The following C12orf42 variants were observed in gnomAD, a reference collection of about 807,000 sequenced individuals.
C12orf42 encodes uncharacterized protein C12orf42.
In C12orf42, 25 loss-of-function variants were observed where a neutral mutation model predicts 21.6. The observed-to-expected ratio is 1.16, with a 90% CI of 0.84 to 1.62. C12orf42 has a LOEUF of 1.62. C12orf42 is among the 40% of genes most tolerant of loss of function. C12orf42 has a pLI of 0.00. For synonymous variants in C12orf42, 174 were observed against 175.0 expected (o/e 0.99, Z 0.05); for missense variants, 483 against 459.3 (o/e 1.05, Z -0.47).
At chr12:103,548,305 G>A in the C12orf42 span, among the ~76,000 whole-genome samples, 5 of 152,188 alleles carry the variant, frequency 3.3e-5, no homozygotes, top group African/African-American at 1.2e-4. Flanking sequence ...TGAAGATAAC[G>A]CAGATAAGGC....
the C12orf42 span, among the ~76,000 whole-genome samples, chr12:103,119,015 C>T: frequency 1.3e-5 from 2 of 151,962 alleles, no homozygotes; most frequent in East Asian, 3.9e-4. Context: ...ATTAGTTCTC[C>T]TTTCACTCTC....
At chr12:103,393,930 AG>A (rs1245961898) in intron 3 of C12orf42, among the ~76,000 whole-genome samples, 4 of 152,166 alleles carry the variant, frequency 2.6e-5, no homozygotes, top group Non-Finnish European at 5.9e-5. Flanking sequence ...AGGAATCCCT[AG>A]GGGAACCTTC....
chr12:103,237,709 C>A (rs2033516026), exon 11 of C12orf42: 1 of 152,270 alleles, frequency 6.6e-6, no homozygotes, highest in Admixed American at 6.5e-5. Flanking sequence ...AGCTCTGCTT[C>A]TGCAGTTACT....
chr12:103,239,526 C>T (rs987503404), intron 10 of C12orf42, among the ~76,000 whole-genome samples: 1 of 152,186 alleles, frequency 6.6e-6, no homozygotes. Context: ...TCAACCCGCT[C>T]CTTCAGCTAT....
intron 2 of C12orf42, among the ~76,000 whole-genome samples, chr12:103,404,937 T>G (rs1000417052): frequency 1.3e-5 from 2 of 152,230 alleles, no homozygotes; most frequent in African/African-American, 4.8e-5. Context: ...TTTATACACT[T>G]GAACCACCTA....
At chr12:103,464,231 C>A (rs2137733736) in intron 2 of C12orf42, among the ~76,000 whole-genome samples, 1 of 152,284 alleles carries the variant, frequency 6.6e-6, no homozygotes, top group South Asian at 2.1e-4. Flanking sequence ...GCCTCACCAA[C>A]ATCTGTTATT....
At chr12:103,523,774 T>A in the C12orf42 span, among the ~76,000 whole-genome samples, 1 of 151,782 alleles carries the variant, frequency 6.6e-6, no homozygotes, top group Non-Finnish European at 1.5e-5. Flanking sequence ...TATATATATA[T>A]CTTAAACCTT....
intron 1 of C12orf42, among the ~76,000 whole-genome samples, chr12:103,487,925 T>C (rs1393622747): frequency 6.6e-6 from 1 of 152,230 alleles, no homozygotes; most frequent in Non-Finnish European, 1.5e-5. Flanking sequence ...CCAGTCTGTG[T>C]CTTTTAATTG....
chr12:103,227,026 T>G, the C12orf42 span, among the ~76,000 whole-genome samples: 4 of 152,168 alleles, frequency 2.6e-5, no homozygotes, highest in Admixed American at 2.6e-4. Context: ...GAGTTTGTAT[T>G]GGGGTCAAGC....
At chr12:103,059,882 T>G in the C12orf42 span, among the ~76,000 whole-genome samples, 14 of 152,282 alleles carry the variant, frequency 9.2e-5, no homozygotes, top group African/African-American at 3.4e-4. Flanking sequence ...TCATACTGAA[T>G]GGGCAAAAGC....
At chr12:103,470,558 G>T (rs1178660692) in intron 2 of C12orf42, among the ~76,000 whole-genome samples, 1 of 152,160 alleles carries the variant, frequency 6.6e-6, no homozygotes, top group Non-Finnish European at 1.5e-5. Flanking sequence ...TTCCCAATGA[G>T]AGAAAGGATC....
chr12:103,518,289 G>C, the C12orf42 span, among the ~76,000 whole-genome samples: 1 of 152,184 alleles, frequency 6.6e-6, no homozygotes, highest in Non-Finnish European at 1.5e-5. Flanking sequence ...GAGGGCCAAG[G>C]AGCCAGAAAC....
chr12:103,470,532 A>G (rs756096649), intron 2 of C12orf42, among the ~76,000 whole-genome samples: 4 of 152,184 alleles, frequency 2.6e-5, no homozygotes, highest in Non-Finnish European at 5.9e-5. Flanking sequence ...AATTTTTTAC[A>G]TGCAATTCTC....
At chr12:103,115,911 G>A in the C12orf42 span, among the ~76,000 whole-genome samples, 23 of 152,200 alleles carry the variant, frequency 1.5e-4, no homozygotes, top group Admixed American at 5.9e-4. Flanking sequence ...GTCATGGGGT[G>A]CTTTGGACTT....
chr12:103,448,380 T>G (rs1390024158), intron 2 of C12orf42, among the ~76,000 whole-genome samples: 1 of 152,086 alleles, frequency 6.6e-6, no homozygotes, highest in Non-Finnish European at 1.5e-5. Context: ...GACATTGGCT[T>G]AGACAAAGAC....
intron 10 of C12orf42, among the ~76,000 whole-genome samples, chr12:103,247,146 C>T (rs1017439629): frequency 6.6e-6 from 1 of 151,388 alleles, no homozygotes; most frequent in Non-Finnish European, 1.5e-5. Context: ...ATTCTCACTG[C>T]AACAAGTACC....
intron 5 of C12orf42, among the ~76,000 whole-genome samples, chr12:103,272,095 AAG>A (rs1412541637): frequency 1.3e-5 from 2 of 152,292 alleles, no homozygotes; most frequent in East Asian, 3.9e-4. Flanking sequence ...CTATAGATCT[AAG>A]AGGTGAGAAC....
chr12:103,216,179 G>C, the C12orf42 span, among the ~76,000 whole-genome samples: 1 of 152,182 alleles, frequency 6.6e-6, no homozygotes, highest in South Asian at 2.1e-4. Flanking sequence ...TGAGCCTATG[G>C]TCTTTGGCAA....
intron 5 of C12orf42, among the ~76,000 whole-genome samples, chr12:103,304,061 T>C (rs2038021665): frequency 6.6e-6 from 1 of 152,198 alleles, no homozygotes; most frequent in South Asian, 2.1e-4. Flanking sequence ...AATTTAGTAA[T>C]GATACATTTT....
Sources: allele counts gnomAD v4.1 joint callset (sites outside exome capture counted in the v4.1 genomes callset), GRCh38; gene constraint gnomAD v4.1.1; transcripts MANE v1.5; gene names NCBI Gene and HGNC (gene_info 2026-07-23, HGNC 2026-07-21).